The following JAG2 variants were observed in gnomAD, a reference collection of about 807,000 sequenced individuals.
The protein encoded by JAG2 is protein jagged-2.
In JAG2, 46 loss-of-function variants were observed where a neutral mutation model predicts 141.7. That is an observed-to-expected ratio of 0.32 (90% CI 0.26 to 0.42). The LOEUF is 0.42. Among genes scored for constraint, JAG2 ranks in the 10% least tolerant of loss-of-function variants. The pLI is 1.00. For missense variants in JAG2, 1,500 were observed against 1,817.5 expected, an observed-to-expected ratio of 0.83 and a Z score of 3.18; for synonymous variants, 862 against 763.5, an observed-to-expected ratio of 1.13 and a Z score of -2.13.
chr14:105,150,232 G>A (rs1278733042), intron 12 of JAG2, among the ~76,000 whole-genome samples: 1 of 151,934 alleles, frequency 6.6e-6, no homozygotes, highest in Non-Finnish European at 1.5e-5. Flanking sequence ...ACCTATGACA[G>A]GTGTATACCT....
At position 105,144,977 on chromosome 14, in the gene JAG2, GCAA is replaced by G; in HGVS notation, c.3034_3036del (p.Leu1013del). The G allele has an allele frequency of 6.2e-7, 1 of 1,608,138 alleles. No homozygotes were observed. Among genetic ancestry groups the G allele is most frequent in the Non-Finnish European group, 8.5e-7 (1 of 1,179,456 alleles). ...GCCCCCGAGGACGCCCGGTCGCAAAGCAACACCAGCAGGCGGTCCCGTGCCACA... is the reference window on the plus strand; with the variant it reads ...GCCCCCGAGGACGCCCGGTCGCAAAGCACCAGCAGGCGGTCCCGTGCCACA... On this transcript the variant is annotated inframe_deletion, in exon 24 of 26. Transcript: ENST00000331782.
intron 2 of JAG2, among the ~76,000 whole-genome samples, chr14:105,159,742 C>A (rs1260128565): frequency 3.5e-5 from 3 of 86,330 alleles, no homozygotes; most frequent in Admixed American, 3.4e-4. Flanking sequence ...CCATCCACAC[C>A]CCCCCAGGGC....
chr14:105,148,313 T>C lies in JAG2; in HGVS notation c.2134+13A>G, dbSNP rs764933638. On this transcript the variant is annotated intron_variant, in intron 16 of 25. Transcript: ENST00000331782. ...GGGGCAGCCCCAGGCGGCCAGGGCC[T>C]GCGGACACTCACGTGAGTGGCAGGT... 1.2e-6 allele frequency: 2 copies of C among 1,606,258 alleles called. No homozygotes were observed. Among genetic ancestry groups the C allele is most frequent in the South Asian group, 2.2e-5 (2 of 90,450 alleles).
chr14:105,146,920 CCCT>C, intron 20 of JAG2, 196 bp from the exon 21 acceptor site: 1 of 662,990 alleles, frequency 1.5e-6, no homozygotes, highest in African/African-American at 1.8e-5. Flanking sequence ...CCCAACAGCA[CCCT>C]CCTCCGTCTG....
At position 105,148,356 on chromosome 14, in the gene JAG2, C is replaced by T. The variant is rs1263849520; in HGVS notation, c.2104G>A (p.Asp702Asn). 4 of 1,611,200 alleles carry T rather than the reference C, an allele frequency of 2.5e-6. No homozygotes were observed. The highest frequency in any genetic ancestry group is 2.2e-5 in the East Asian group (1 of 44,752). Reference sequence around the variant, plus strand: ...TGGCAGGTCTTGCCCTTCCAGCCGTCGTCGCACGCACAGTAGAAGTCATTG... The same window carrying T: ...TGGCAGGTCTTGCCCTTCCAGCCGTTGTCGCACGCACAGTAGAAGTCATTG... The part of the protein sequence containing the change: ...LVNDFYCACD[D>N]GWKGKTCHSR... The change falls in exon 16 of 26, where the codon GAC (aspartate) becomes AAC (asparagine). Residue 702 changes from aspartate to asparagine, a missense_variant. Asp to Asn is a conservative substitution (Grantham distance 23, BLOSUM62 1). Coordinates refer to ENST00000331782, the MANE Select transcript of JAG2 (RefSeq NM_002226.5).
At chr14:105,155,215 GCCGCCCACCCCCTCC>G (rs907671865) in intron 5 of JAG2, among the ~76,000 whole-genome samples, 7 of 151,346 alleles carry the variant, frequency 4.6e-5, no homozygotes, top group Admixed American at 2.0e-4. Context: ...CCGGCCGCTC[GCCGCCCACCCCCTCC>G]CCATGGGCAG....
rs755220428 is a variant in JAG2, at chr14:105,148,353, C to T, written c.2107G>A (p.Gly703Ser). The T allele has an allele frequency of 4.3e-6, 7 of 1,610,626 alleles. No individual in the cohort carries two copies. Among genetic ancestry groups the T allele is most frequent in the Non-Finnish European group, 5.9e-6 (7 of 1,178,942 alleles). Residue 703 changes from glycine (G) to serine (S), a missense_variant, in exon 16 of 26, where the codon GGC (glycine) becomes AGC (serine). This residue lies in a region of JAG2 where 875 missense variants were observed against 1,202.2 expected (regional missense o/e 0.73). Transcript: ENST00000331782. ...VNDFYCACDD[G>S]WKGKTCHSRE... ...GAGTGGCAGGTCTTGCCCTTCCAGC[C>T]GTCGTCGCACGCACAGTAGAAGTCA...
chr14:105,153,265 A>G (rs1384268276), intron 5 of JAG2, among the ~76,000 whole-genome samples: 1 of 152,240 alleles, frequency 6.6e-6, no homozygotes, highest in African/African-American at 2.4e-5. Context: ...CTATCAGCCC[A>G]GTTCAGCTGC....
intron 2 of JAG2, among the ~76,000 whole-genome samples, chr14:105,161,539 G>A (rs1421213307): frequency 1.3e-5 from 2 of 152,104 alleles, no homozygotes; most frequent in African/African-American, 4.8e-5. Flanking sequence ...CCGCAGGGAC[G>A]TGTGCCTGCC....
chr14:105,168,392 G>A lies in JAG2; in HGVS notation c.29C>T (p.Pro10Leu), dbSNP rs1171462313. 5 of 1,026,348 alleles carry A rather than the reference G, an allele frequency of 4.9e-6. No individual in the cohort carries two copies. Among genetic ancestry groups the A allele is most frequent in the Non-Finnish European group, 6.0e-6 (5 of 836,532 alleles). 63.6% of individuals were successfully genotyped at this position (1,026,348 alleles called of 1,614,324 possible). A position where few individuals can be genotyped will look rare whatever the true frequency, so the allele number is the denominator to read the frequency against. Residue 10 changes from proline (P) to leucine (L), a missense_variant, in exon 1 of 26, where the codon CCC (proline) becomes CTC (leucine). Physicochemically the swap from Pro to Leu is moderately conservative, Grantham distance 98. This residue lies in a region of JAG2 where 200 missense variants were observed against 174.3 expected (regional missense o/e 1.15). Coordinates refer to ENST00000331782, the MANE Select transcript of JAG2 (RefSeq NM_002226.5). MRAQGRGRLPRRLLLLLALW... is the reference protein window; with the variant it reads MRAQGRGRLLRRLLLLLALW... ...CGCCAGCAGCAGCAGCAGCCGCCGG[G>A]GAAGGCGCCCCCGGCCCTGCGCCCG...
intron 9 of JAG2, 77 bp downstream of exon 9, chr14:105,151,206 C>A (rs1424871075): frequency 6.9e-7 from 1 of 1,448,056 alleles, no homozygotes; most frequent in Non-Finnish European, 9.4e-7. Flanking sequence ...GCAGCCCCAG[C>A]AGCCCCCGCA....
chr14:105,143,395 G>A (rs1420007963), intron 25 of JAG2, 87 bp downstream of exon 25: 1 of 1,458,482 alleles, frequency 6.9e-7, no homozygotes, highest in Non-Finnish European at 9.3e-7. Flanking sequence ...CTGGTGGCTG[G>A]CAGGATCGGC....
In JAG2 at chr14:105,151,264, A is replaced by T; in HGVS notation, c.1267+19T>A. The T allele has an allele frequency of 6.2e-7, 1 of 1,604,024 alleles. No homozygotes were observed. The highest frequency in any genetic ancestry group is 8.5e-7 in the Non-Finnish European group (1 of 1,173,518). On this transcript the variant is annotated intron_variant, in intron 9 of 25. Coordinates refer to ENST00000331782, the MANE Select transcript of JAG2 (RefSeq NM_002226.5). ...GCATGCGCGGCCCACGTTCCCATGC[A>T]CTCGCTCGGAGCCCTTACCCAGCTG...
rs1338790517 is a variant in JAG2 at position 105,145,734 on chromosome 14, G to C, written c.2949C>G (p.Pro983=). The C allele has an allele frequency of 1.3e-6, 2 of 1,593,974 alleles. No homozygotes were observed. The highest frequency in any genetic ancestry group is 3.5e-5 in the Admixed American group (2 of 57,814). The change falls in exon 23 of 26, where the codon CCC becomes CCG. Residue 983 remains proline (P), a synonymous_variant. Transcript: ENST00000331782. ...LTLHFNRDHV[P]QGTTVGAICS... is the part of the protein sequence containing the mutation. ...CAGATGCCACCAGGCCCCTCACCTGGGGCACGTGGTCACGGTTGAAATGCA... is the reference window on the plus strand; with the variant it reads ...CAGATGCCACCAGGCCCCTCACCTGCGGCACGTGGTCACGGTTGAAATGCA...
At chr14:105,148,025 CA>C (rs1381994499) in intron 17 of JAG2, 90 bp downstream of exon 17, 6 of 1,227,714 alleles carry the variant, frequency 4.9e-6, no homozygotes, top group South Asian at 3.9e-5. Flanking sequence ...GTGTGGCCCT[CA>C]AAAAAGACCC....
Position 105,167,892 on chromosome 14 carries a change from G to C in JAG2, c.282C>G (p.Ala94=). 1 of 1,585,996 alleles carries C rather than the reference G, an allele frequency of 6.3e-7. No individual in the cohort carries two copies. The highest frequency in any genetic ancestry group is 1.1e-5 in the South Asian group (1 of 88,912). Residue 94 remains alanine, a synonymous_variant, in exon 2 of 26, where the codon GCC becomes GCG. Transcript: ENST00000331782. The surrounding 1 kb of genome is among the most constrained non-coding windows in gnomAD (Gnocchi z 4.8). ...PTGPCSYGHG[A]TPVLGGNSFY... ...AGGAGTTGCCGCCCAGCACGGGCGT[G>C]GCGCCGTGGCCGTAGCTGCAGGGCC...
rs587661106 is a variant in JAG2, at chr14:105,152,213, C to T, written c.867G>A (p.Glu289=). The T allele has an allele frequency of 9.3e-5, 150 of 1,613,674 alleles. 1 individual carries two copies. In the South Asian group the frequency reaches 1.5e-3, roughly 16 times the overall value. The change falls in exon 6 of 26, where the codon GAG becomes GAA. Residue 289 remains glutamate (E), a synonymous_variant. Transcript: ENST00000331782. The part of the protein sequence containing the change: ...YPGCVHGSCV[E]PWQCNCETNW... Reference sequence around the variant, plus strand: ...TGGTCTCACAGTTGCACTGCCAGGGCTCCACACAACTGCCATGCACGCAGC... The same window carrying T: ...TGGTCTCACAGTTGCACTGCCAGGGTTCCACACAACTGCCATGCACGCAGC...
At chr14:105,168,163 G>C (rs1182253057) in intron 1 of JAG2, 56 bp from the exon 2 acceptor site, 11 of 1,397,338 alleles carry the variant, frequency 7.9e-6, no homozygotes, top group Non-Finnish European at 1.0e-5. Flanking sequence ...TCGGCGGGCC[G>C]GGCGCCAGGG....
Position 105,167,636 on chromosome 14 carries a change from G to T in JAG2, c.417+121C>A, listed in dbSNP as rs1271362447. 6.9e-5 allele frequency: 79 copies of T among 1,143,030 alleles called. No homozygotes were observed. Among genetic ancestry groups the T allele is most frequent in the East Asian group, 5.9e-4 (15 of 25,510 alleles). 70.8% of individuals were successfully genotyped at this position (1,143,030 alleles called of 1,614,324 possible). On this transcript the variant is annotated intron_variant, in intron 2 of 25. Coordinates refer to ENST00000331782, the MANE Select transcript of JAG2 (RefSeq NM_002226.5). This position sits in a 1 kb window ranked among gnomAD's most constrained non-coding sequence, Gnocchi z 4.8. Reference sequence around the variant, plus strand: ...ACGCGCCCCCTGCCGGCCCCGCCCCGCCTGGGCGCGCGCGGCTCGCACGCA... The same window carrying T: ...ACGCGCCCCCTGCCGGCCCCGCCCCTCCTGGGCGCGCGCGGCTCGCACGCA...
Sources: gnomAD v4.1 joint callset for allele counts (sites outside exome capture counted in the v4.1 genomes callset) on GRCh38, gnomAD v4.1.1 for gene constraint, gnomAD v4.1.1 regional missense constraint, Gnocchi (gnomAD v3.1) non-coding constraint, MANE v1.5 for transcripts, NCBI Gene and HGNC (gene_info 2026-07-23, HGNC 2026-07-21) for gene names.